Variants in SNX27 observed in about 807,000 individuals in gnomAD.
SNX27 encodes sorting nexin 27.
Under a neutral mutation model 71.6 loss-of-function variants are expected in SNX27, and 22 were observed. The observed-to-expected ratio is 0.31, with a 90% CI of 0.22 to 0.44. The LOEUF is 0.44. Ranked by LOEUF, SNX27 falls within the 20% of genes least tolerant of loss-of-function variation. SNX27 has a pLI of 1.00. For missense variants in SNX27, 531 were observed against 698.6 expected, an observed-to-expected ratio of 0.76 and a Z score of 2.70; for synonymous variants, 269 against 277.2, an observed-to-expected ratio of 0.97 and a Z score of 0.29.
chr1:151,628,931 T>A (rs967378151), intron 1 of SNX27, among the ~76,000 whole-genome samples: 4 of 152,208 alleles, frequency 2.6e-5, no homozygotes, highest in African/African-American at 9.6e-5. Context: ...GTCTGTTTTG[T>A]TTTTTCATTC....
intron 7 of SNX27, among the ~76,000 whole-genome samples, chr1:151,675,385 C>T (rs973453094): frequency 3.9e-5 from 6 of 151,986 alleles, no homozygotes; most frequent in African/African-American, 1.4e-4. Flanking sequence ...GGCTTTAGGT[C>T]TTTATATGGA....
At chr1:151,658,625 G>A (rs1490280917) in intron 3 of SNX27, among the ~76,000 whole-genome samples, 198 bp downstream of exon 3, 3 of 152,128 alleles carry the variant, frequency 2.0e-5, no homozygotes, top group Non-Finnish European at 2.9e-5. Context: ...TCATTGGTTT[G>A]TTGAATGCTT....
intron 1 of SNX27, among the ~76,000 whole-genome samples, chr1:151,623,431 C>T (rs555295499): frequency 2.5e-4 from 38 of 152,088 alleles, no homozygotes; most frequent in East Asian, 5.8e-4. Flanking sequence ...TGAGCCACCG[C>T]GCCCAGTATT....
Position 151,646,197 on chromosome 1 carries a change from C to T in SNX27, c.543+7078C>T, listed in dbSNP as rs142821091. ...ACTAGTAGCCATGTCACCTTTCTTT[C>T]GGTTATTGTTTTCGTTGCTATATTT... On this transcript the variant is annotated intron_variant, in intron 2 of 11. Transcript: ENST00000458013. 4.5e-3 allele frequency among the ~76,000 whole-genome samples: 679 copies of T among 152,100 alleles called. 8 individuals carry two copies. The highest frequency in any genetic ancestry group is 0.016 in the African/African-American group (651 of 41,522).
intron 2 of SNX27, 84 bp from the exon 3 acceptor site, chr1:151,658,151 C>G (rs1467254030): frequency 5.4e-6 from 7 of 1,294,114 alleles, no homozygotes; most frequent in Middle Eastern, 1.9e-4. Context: ...ATGCATCTAA[C>G]CAATATCATC....
intron 1 of SNX27, chr1:151,615,727 T>A: frequency 4.1e-6 from 4 of 984,376 alleles, no homozygotes; most frequent in Non-Finnish European, 4.8e-6. Flanking sequence ...TTTCCCTATT[T>A]TAGATTCTTC....
chr1:151,641,596 C>CACAT (rs1553257776), intron 2 of SNX27, among the ~76,000 whole-genome samples: 1 of 14,196 alleles, frequency 7.0e-5, no homozygotes, highest in Non-Finnish European at 1.4e-4. Context: ...AGTCCTTTAT[C>CACAT]AGATATATAT....
chr1:151,650,418 G>T (rs1038561000), intron 2 of SNX27, among the ~76,000 whole-genome samples: 1 of 151,840 alleles, frequency 6.6e-6, no homozygotes, highest in Admixed American at 6.6e-5. Context: ...AGGAATATGT[G>T]GTTTGATATC....
At chr1:151,623,397 C>G (rs1667769543) in intron 1 of SNX27, among the ~76,000 whole-genome samples, 1 of 152,118 alleles carries the variant, frequency 6.6e-6, no homozygotes. Context: ...ACCTTGGCCT[C>G]CCAAAGTGCT....
intron 4 of SNX27, 45 bp from the exon 5 acceptor site, chr1:151,662,121 A>G: frequency 1.5e-6 from 2 of 1,357,590 alleles, no homozygotes; most frequent in Non-Finnish European, 2.1e-6. Flanking sequence ...GGGAGAGTGA[A>G]GATATACTGG....
At chr1:151,671,529 C>T (rs1001101370) in intron 7 of SNX27, among the ~76,000 whole-genome samples, 1 of 152,106 alleles carries the variant, frequency 6.6e-6, no homozygotes, top group African/African-American at 2.4e-5. Flanking sequence ...TGCCACCACA[C>T]CCCACCCAGT....
intron 8 of SNX27, among the ~76,000 whole-genome samples, chr1:151,684,146 C>G (rs1044968879): frequency 6.6e-6 from 1 of 152,064 alleles, no homozygotes; most frequent in South Asian, 2.1e-4. Context: ...TTTACAGCTT[C>G]CATTTCTGCA....
chr1:151,619,647 T>G (rs1667582913), intron 1 of SNX27, among the ~76,000 whole-genome samples: 1 of 152,154 alleles, frequency 6.6e-6, no homozygotes, highest in African/African-American at 2.4e-5. Context: ...TTCTTTGTTC[T>G]GTTTTTTTGA....
chr1:151,681,433 A>G (rs1340602702), intron 7 of SNX27, among the ~76,000 whole-genome samples: 6 of 151,394 alleles, frequency 4.0e-5, no homozygotes, highest in Non-Finnish European at 7.4e-5. Context: ...TAGTAGAGAC[A>G]GGGTTTCACC....
In SNX27 at chr1:151,645,780, G is replaced by A. The variant is rs184308247; in HGVS notation, c.543+6661G>A. Among the ~76,000 whole-genome samples the A allele has an allele frequency of 3.2e-4, 48 of 152,332 alleles. No individual in the cohort carries two copies. The East Asian group carries it at 9.3e-3, about 29-fold the overall frequency. ...GCTATTTTGTAACTTATGCCCACAA[G>A]CAGGGCAAAGCCCTCTTAATGCAGG... On this transcript the variant is annotated intron_variant, in intron 2 of 11. Transcript: ENST00000458013.
intron 1 of SNX27, among the ~76,000 whole-genome samples, chr1:151,631,431 A>C (rs1668227806): frequency 1.3e-5 from 2 of 152,210 alleles, no homozygotes; most frequent in South Asian, 2.1e-4. Flanking sequence ...CCCTAACTCA[A>C]CTATTTTTGT....
chr1:151,645,354 G>T (rs1201731267), intron 2 of SNX27, among the ~76,000 whole-genome samples: 1 of 152,120 alleles, frequency 6.6e-6, no homozygotes, highest in Non-Finnish European at 1.5e-5. Flanking sequence ...TATTCTTCTG[G>T]TTCTTTGTAT....
chr1:151,644,730 C>G (rs1304325734), intron 2 of SNX27, among the ~76,000 whole-genome samples: 1 of 152,096 alleles, frequency 6.6e-6, no homozygotes, highest in Non-Finnish European at 1.5e-5. Context: ...ATAGTTTTTA[C>G]TCTTACGTTT....
At chr1:151,641,596 C>CAGAT (rs1420352260) in intron 2 of SNX27, among the ~76,000 whole-genome samples, 218 of 14,194 alleles carry the variant, frequency 0.015, 3 homozygotes, top group Non-Finnish European at 0.023. Flanking sequence ...AGTCCTTTAT[C>CAGAT]AGATATATAT....
Sources: gnomAD v4.1 joint callset for allele counts (sites outside exome capture counted in the v4.1 genomes callset) on GRCh38, gnomAD v4.1.1 for gene constraint, MANE v1.5 for transcripts, NCBI Gene and HGNC (gene_info 2026-07-23, HGNC 2026-07-21) for gene names.